Variants in ZMYM2 observed in about 807,000 individuals in gnomAD.
The protein encoded by ZMYM2 is zinc finger MYM-type protein 2.
ZMYM2 carries 56 observed loss-of-function variants against 162.8 expected under a neutral mutation model. The observed-to-expected ratio is 0.34, with a 90% confidence interval of 0.28 to 0.43. ZMYM2 has a LOEUF of 0.43. Among genes scored for constraint, ZMYM2 ranks in the 20% least tolerant of loss-of-function variants. ZMYM2 has a pLI of 1.00. For synonymous variants in ZMYM2, 510 were observed against 541.6 expected, an observed-to-expected ratio of 0.94 and a Z score of 0.81; for missense variants, 1,275 against 1,621.8, an observed-to-expected ratio of 0.79 and a Z score of 3.67.
chr13:20,040,261 C>T (rs1270034500), intron 12 of ZMYM2, among the ~76,000 whole-genome samples: 3 of 152,062 alleles, frequency 2.0e-5, no homozygotes, highest in East Asian at 1.9e-4. Flanking sequence ...GATTCAATTT[C>T]GGAGCTCATT....
At chr13:19,959,434 C>G (rs545761981) in intron 1 of ZMYM2, among the ~76,000 whole-genome samples, 1 of 152,084 alleles carries the variant, frequency 6.6e-6, no homozygotes, top group African/African-American at 2.4e-5. Context: ...TTGCTCCGCA[C>G]GTATTGTTTG....
intron 12 of ZMYM2, among the ~76,000 whole-genome samples, chr13:20,042,965 C>G (rs1954410260): frequency 6.6e-6 from 1 of 152,134 alleles, no homozygotes; most frequent in Non-Finnish European, 1.5e-5. Context: ...CTTAAGTGAT[C>G]CACCTGCCTC....
chr13:20,019,289 GTATC>G (rs1203851805), intron 6 of ZMYM2, among the ~76,000 whole-genome samples: 1 of 152,114 alleles, frequency 6.6e-6, no homozygotes, highest in Non-Finnish European at 1.5e-5. Context: ...TCAGATCTAA[GTATC>G]TATCTTTAAT....
chr13:20,082,766 T>C lies in ZMYM2; in HGVS notation c.3569-15T>C. Reference sequence around the variant, plus strand: ...ATTTATTATAATTCTTTTAAAATAGTTCTCTCTATTTAAGGGTCAATATTC... The same window carrying C: ...ATTTATTATAATTCTTTTAAAATAGCTCTCTCTATTTAAGGGTCAATATTC... On this transcript the variant is annotated splice_polypyrimidine_tract_variant and intron_variant, in intron 22 of 24. Coordinates refer to ENST00000610343, the MANE Select transcript of ZMYM2 (RefSeq NM_197968.4). The C allele has an allele frequency of 6.6e-7, 1 of 1,519,012 alleles. No individual in the cohort carries two copies. The highest frequency in any genetic ancestry group is 1.3e-5 in the South Asian group (1 of 76,068). The allele number at this position is 1,519,012 out of a possible 1,614,324, so 94.1% of individuals were successfully genotyped here.
At chr13:19,897,514 C>T in the ZMYM2 span, among the ~76,000 whole-genome samples, 1 of 151,664 alleles carries the variant, frequency 6.6e-6, no homozygotes, top group African/African-American at 2.4e-5. Context: ...TGGGCAGGCG[C>T]CGTGGCCTAT....
chr13:20,011,573 G>GT (rs764404253), intron 6 of ZMYM2, among the ~76,000 whole-genome samples: 8 of 144,200 alleles, frequency 5.5e-5, no homozygotes, highest in African/African-American at 1.6e-4. Context: ...TTATTTTTTT[G>GT]TTTTATTTTT....
intron 7 of ZMYM2, among the ~76,000 whole-genome samples, chr13:20,022,443 T>A (rs549898513): frequency 1.3e-5 from 2 of 152,302 alleles, no homozygotes; most frequent in African/African-American, 4.8e-5. Flanking sequence ...TTAACTTGTT[T>A]AAGGGGATGT....
intron 6 of ZMYM2, among the ~76,000 whole-genome samples, chr13:20,017,731 T>C (rs1951744872): frequency 6.6e-6 from 1 of 152,176 alleles, no homozygotes; most frequent in African/African-American, 2.4e-5. Context: ...AGTTCACTGA[T>C]TCTTTCCATT....
upstream of ZMYM2, among the ~76,000 whole-genome samples, chr13:19,958,515 C>T (rs1420362885): frequency 6.6e-6 from 1 of 151,900 alleles, no homozygotes; most frequent in Non-Finnish European, 1.5e-5. Context: ...CGAGGGCCGG[C>T]GGAGGCGGGA....
chr13:20,055,553 G>C (rs1458228058), intron 14 of ZMYM2, among the ~76,000 whole-genome samples: 2 of 152,190 alleles, frequency 1.3e-5, no homozygotes, highest in Admixed American at 1.3e-4. Context: ...GTGTCACTAA[G>C]AGCAAGAAAG....
chr13:20,076,670 G>T (rs181686856), intron 21 of ZMYM2, among the ~76,000 whole-genome samples: 29 of 150,270 alleles, frequency 1.9e-4, no homozygotes, highest in Middle Eastern at 3.4e-3. Flanking sequence ...TAAGAAGAAA[G>T]AACTTTATTT....
chr13:19,970,888 T>C (rs924140147), intron 2 of ZMYM2, among the ~76,000 whole-genome samples: 5 of 151,714 alleles, frequency 3.3e-5, no homozygotes, highest in African/African-American at 1.2e-4. Flanking sequence ...ATTAGTGGAG[T>C]GTTTGATGCA....
chr13:19,864,888 T>C, the ZMYM2 span: 1 of 152,280 alleles, frequency 6.6e-6, no homozygotes. Flanking sequence ...GTCATGGTGC[T>C]GAACCATTTC....
the ZMYM2 span, among the ~76,000 whole-genome samples, chr13:19,883,117 A>T: frequency 6.6e-6 from 1 of 152,192 alleles, no homozygotes. Context: ...GAACCTCAAA[A>T]ATATGGTGAG....
the ZMYM2 span, among the ~76,000 whole-genome samples, chr13:19,900,504 ATTATAT>A: frequency 6.6e-6 from 1 of 152,190 alleles, no homozygotes; most frequent in African/African-American, 2.4e-5. Flanking sequence ...TCTACCAAAC[ATTATAT>A]TTATCGAAGA....
intron 21 of ZMYM2, among the ~76,000 whole-genome samples, chr13:20,075,972 A>AATGGCAGTACAAG (rs1957475228): frequency 2.0e-5 from 3 of 151,334 alleles, no homozygotes; most frequent in African/African-American, 7.4e-5. Flanking sequence ...CTAGGATTAC[A>AATGGCAGTACAAG]GGCATGAGCC....
At chr13:20,072,755 TCCTGTTTCTTCTTGTA>T (rs1957182957) in intron 21 of ZMYM2, among the ~76,000 whole-genome samples, 1 of 151,864 alleles carries the variant, frequency 6.6e-6, no homozygotes. Context: ...TGTTTAGATT[TCCTGTTTCTTCTTGTA>T]CCACTTTTAG....
At chr13:19,936,538 A>G in the ZMYM2 span, among the ~76,000 whole-genome samples, 14 of 152,170 alleles carry the variant, frequency 9.2e-5, no homozygotes, top group South Asian at 1.7e-3. Flanking sequence ...CCTGGACAAC[A>G]TGGCGAAACC....
chr13:20,003,968 T>C (rs1950566130), intron 4 of ZMYM2, among the ~76,000 whole-genome samples: 1 of 152,112 alleles, frequency 6.6e-6, no homozygotes, highest in Non-Finnish European at 1.5e-5. Flanking sequence ...TGTTTTTTGA[T>C]CTAGCTTCAC....
Sources: allele counts gnomAD v4.1 joint callset (sites outside exome capture counted in the v4.1 genomes callset), GRCh38; gene constraint gnomAD v4.1.1; transcripts MANE v1.5; gene names NCBI Gene and HGNC (gene_info 2026-07-23, HGNC 2026-07-21).